BTBD8: variants seen among roughly 807,000 people sequenced by gnomAD.
The protein encoded by BTBD8 is BTB domain containing 8.
Under a neutral mutation model 162.9 loss-of-function variants are expected in BTBD8, and 110 were observed. The ratio of observed to expected loss-of-function variants is 0.68; its 90% confidence interval spans 0.58 to 0.79. The LOEUF (loss-of-function observed/expected upper bound fraction) is 0.79. Among genes scored for constraint, BTBD8 ranks in the 30% least tolerant of loss-of-function variants. The pLI is 0.00. For missense variants in BTBD8, 1,905 were observed against 2,085.4 expected, an observed-to-expected ratio of 0.91 and a Z score of 1.68; for synonymous variants, 667 against 716.1, an observed-to-expected ratio of 0.93 and a Z score of 1.10.
At chr1:92,177,754 C>A in intron 14 of BTBD8, 57 bp from the exon 15 acceptor site, 1 of 1,041,936 alleles carries the variant, frequency 9.6e-7, no homozygotes, top group Non-Finnish European at 1.4e-6. Flanking sequence ...TAAACTTACA[C>A]GTTTGTTACA....
Position 92,180,826 on chromosome 1 carries a change from G to T in BTBD8, c.3143G>T (p.Cys1048Phe). ...CACGAACTGGAATCAAAACAGATTTGTTTAGATAAAAGTGAAACAAAATTT... is the reference window on the plus strand; with the variant it reads ...CACGAACTGGAATCAAAACAGATTTTTTTAGATAAAAGTGAAACAAAATTT... ...LKHELESKQICLDKSETKFPN... is the reference protein window; with the variant it reads ...LKHELESKQIFLDKSETKFPN... The change falls in exon 17 of 18, where the codon TGT (cysteine) becomes TTT (phenylalanine). Residue 1048 changes from cysteine to phenylalanine, a missense_variant. Physicochemically the swap from Cys to Phe is radical, Grantham distance 205 (BLOSUM62 -2). This residue lies in a region of BTBD8 where 1,374 missense variants were observed against 1,442.7 expected (regional missense o/e 0.95). Coordinates refer to ENST00000636805, the MANE Select transcript of BTBD8 (RefSeq NM_001376131.1). The T allele has an allele frequency of 6.4e-7, 1 of 1,551,490 alleles. No homozygotes were observed. The highest frequency in any genetic ancestry group is 8.7e-7 in the Non-Finnish European group (1 of 1,146,946).
chr1:92,090,733 C>T (rs1246492439), intron 2 of BTBD8, among the ~76,000 whole-genome samples: 3 of 152,088 alleles, frequency 2.0e-5, no homozygotes, highest in African/African-American at 2.4e-5. Context: ...AGTTTGAGAC[C>T]AGCCTGGCCA....
At chr1:92,168,701 T>C (rs1205785816) in intron 11 of BTBD8, among the ~76,000 whole-genome samples, 165 bp from the exon 12 acceptor site, 1 of 152,230 alleles carries the variant, frequency 6.6e-6, no homozygotes, top group Non-Finnish European at 1.5e-5. Flanking sequence ...TATAAAATTT[T>C]GTTATTAATA....
chr1:92,178,244 A>G, intron 15 of BTBD8, 68 bp from the exon 16 acceptor site: 1 of 1,234,680 alleles, frequency 8.1e-7, no homozygotes, highest in Non-Finnish European at 1.1e-6. Context: ...TGTTTCAGGT[A>G]TTGGTCTTTT....
chr1:92,119,332 C>CTG (rs1260048267), intron 4 of BTBD8, among the ~76,000 whole-genome samples: 1 of 143,378 alleles, frequency 7.0e-6, no homozygotes, highest in Non-Finnish European at 1.5e-5. Flanking sequence ...GTCATCCAGG[C>CTG]TGGAGTACAG....
rs540710110 is a variant in BTBD8 at position 92,164,784 on chromosome 1, C to T, written c.1123-2174C>T. 2.6e-5 allele frequency among the ~76,000 whole-genome samples: 4 copies of T among 151,058 alleles called. No individual in the cohort carries two copies. The South Asian group carries it at 8.4e-4, about 32-fold the overall frequency. ...TCATGCCATCCTTCTACCTCAGCTT[C>T]CCAAGTAGCTGGGACTACAGGTGCC... On this transcript the variant is annotated intron_variant, in intron 9 of 17. Coordinates refer to ENST00000636805, the MANE Select transcript of BTBD8 (RefSeq NM_001376131.1).
intron 9 of BTBD8, chr1:92,150,513 A>G (rs1650020912): frequency 6.6e-6 from 1 of 152,222 alleles, no homozygotes; most frequent in Admixed American, 6.5e-5. Flanking sequence ...GCTTATTGTC[A>G]TATATTTGTA....
At chr1:92,090,768 A>G (rs1648274012) in intron 2 of BTBD8, among the ~76,000 whole-genome samples, 1 of 152,098 alleles carries the variant, frequency 6.6e-6, no homozygotes, top group Admixed American at 6.6e-5. Flanking sequence ...TGTCTCCATT[A>G]AAAACACGAA....
At position 92,167,099 on chromosome 1, in the gene BTBD8, T is replaced by C; in HGVS notation, c.1264T>C (p.Ser422Pro). 4 of 1,550,590 alleles carry C rather than the reference T, an allele frequency of 2.6e-6. No homozygotes were observed. In the South Asian group the frequency reaches 4.8e-5, roughly 18 times the overall value. Residue 422 changes from serine (S) to proline (P), a missense_variant, in exon 10 of 18, where the codon TCC becomes CCC. Ser to Pro is a moderately conservative substitution (Grantham distance 74, BLOSUM62 -1). Transcript: ENST00000636805. ...KCIAFIVDNF[S>P]KIIQSENFAL... The stretch of plus-strand genomic sequence containing the variant: ...TATTGCATTTATTGTAGACAACTTC[T>C]CCAAGATTATTCAGAGTGAAAATTT...
chr1:92,147,644 A>T lies in BTBD8; in HGVS notation c.1020-40A>T, dbSNP rs190966097. 2.0e-5 allele frequency: 30 copies of T among 1,508,670 alleles called. No homozygotes were observed. The African/African-American group carries it at 3.1e-4, about 15-fold the overall frequency. 93.5% of individuals were successfully genotyped at this position (1,508,670 alleles called of 1,614,324 possible). A position where few individuals can be genotyped will look rare whatever the true frequency, so the allele number is the denominator to read the frequency against. On this transcript the variant is annotated intron_variant, in intron 8 of 17. Coordinates refer to ENST00000636805, the MANE Select transcript of BTBD8 (RefSeq NM_001376131.1). ...AATATTGACTATTATAATGAAAAAC[A>T]TCTTAATTTCTTTAACGTGGTATTC...
At chr1:92,104,794 T>A (rs1429248827) in intron 3 of BTBD8, among the ~76,000 whole-genome samples, 1 of 152,200 alleles carries the variant, frequency 6.6e-6, no homozygotes, top group African/African-American at 2.4e-5. Context: ...CATGCTTTCC[T>A]GATTTTCCTT....
At chr1:92,131,411 A>G (rs1174130381) in intron 5 of BTBD8, among the ~76,000 whole-genome samples, 2 of 152,132 alleles carry the variant, frequency 1.3e-5, no homozygotes, top group Non-Finnish European at 2.9e-5. Context: ...TTATTATTCT[A>G]TATATGTGCT....
intron 6 of BTBD8, chr1:92,139,651 T>C (rs899029186): frequency 3.4e-5 from 29 of 854,260 alleles, no homozygotes; most frequent in Non-Finnish European, 4.0e-5. Context: ...GAACAGTCTT[T>C]ATTAGACTTA....
chr1:92,098,958 A>T (rs1210791413), intron 2 of BTBD8, among the ~76,000 whole-genome samples: 1 of 152,124 alleles, frequency 6.6e-6, no homozygotes, highest in African/African-American at 2.4e-5. Flanking sequence ...TGCTTTTGGA[A>T]TCATATCTAA....
At position 92,123,776 on chromosome 1, in the gene BTBD8, CAAAAAAA is replaced by C. The variant is rs529220915; in HGVS notation, c.663-5897_663-5891del. The stretch of plus-strand genomic sequence containing the variant: ...TGGGCGACAGAGCAAGACTCCGTCT[CAAAAAAA>C]AAAAAAAAAAAAAGAAAATTTGTAG... On this transcript the variant is annotated intron_variant, in intron 4 of 17. Coordinates refer to ENST00000636805, the MANE Select transcript of BTBD8 (RefSeq NM_001376131.1). Among the ~76,000 whole-genome samples the C allele has an allele frequency of 1.9e-4, 16 of 84,492 alleles. 1 individual carries two copies. The highest frequency in any genetic ancestry group is 5.1e-4 in the African/African-American group (11 of 21,424). The allele number at this position is 84,492 out of a possible 152,430, so 55.4% of individuals were successfully genotyped here. A position where few individuals can be genotyped will look rare whatever the true frequency, so the allele number is the denominator to read the frequency against.
chr1:92,116,116 G>A (rs1649037761), intron 4 of BTBD8, among the ~76,000 whole-genome samples: 1 of 151,932 alleles, frequency 6.6e-6, no homozygotes, highest in South Asian at 2.1e-4. Context: ...TTGTCTAGAC[G>A]TATGTTTAAT....
At chr1:92,082,473 T>C (rs1366817834) in intron 1 of BTBD8, among the ~76,000 whole-genome samples, 1 of 152,022 alleles carries the variant, frequency 6.6e-6, no homozygotes, top group African/African-American at 2.4e-5. Context: ...GTGGGGTGAG[T>C]TGGGAAGACT....
At chr1:92,100,112 T>C (rs1237372616) in intron 2 of BTBD8, among the ~76,000 whole-genome samples, 1 of 152,190 alleles carries the variant, frequency 6.6e-6, no homozygotes, top group Non-Finnish European at 1.5e-5. Flanking sequence ...ATTGAAGTGA[T>C]CATGTGGTTT....
chr1:92,121,028 G>C (rs1331002815), intron 4 of BTBD8, among the ~76,000 whole-genome samples: 1 of 152,192 alleles, frequency 6.6e-6, no homozygotes, highest in Non-Finnish European at 1.5e-5. Flanking sequence ...CTCCCCCAGA[G>C]TGCTGGGATT....
Sources: allele counts gnomAD v4.1 joint callset (sites outside exome capture counted in the v4.1 genomes callset), GRCh38; gene constraint gnomAD v4.1.1; regional missense constraint gnomAD v4.1.1; transcripts MANE v1.5; gene names NCBI Gene and HGNC (gene_info 2026-07-23, HGNC 2026-07-21).